The following TDRD10 variants were observed in gnomAD, a reference collection of about 807,000 sequenced individuals.
TDRD10 encodes tudor domain-containing protein 10.
TDRD10 carries 40 observed loss-of-function variants against 48.0 expected under a neutral mutation model. That is an observed-to-expected ratio of 0.83 (90% CI 0.65 to 1.09). TDRD10 has a LOEUF of 1.09. Among genes scored for constraint, TDRD10 ranks in the 50% least tolerant of loss-of-function variants. The pLI is 0.00. For synonymous variants in TDRD10, 162 were observed against 170.4 expected, an observed-to-expected ratio of 0.95 and a Z score of 0.38; for missense variants, 378 against 434.7, an observed-to-expected ratio of 0.87 and a Z score of 1.16.
intron 3 of TDRD10, among the ~76,000 whole-genome samples, chr1:154,507,911 C>G (rs1693239946): frequency 1.3e-5 from 2 of 152,164 alleles, no homozygotes; most frequent in Non-Finnish European, 2.9e-5. Flanking sequence ...CCTGCATTCC[C>G]CTGGGCCCCT....
Position 154,544,470 on chromosome 1 carries a change from C to T in TDRD10, c.750C>T (p.Arg250=). 1 of 1,613,574 alleles carries T rather than the reference C, an allele frequency of 6.2e-7. No individual in the cohort carries two copies. Among genetic ancestry groups the T allele is most frequent in the African/African-American group, 1.3e-5 (1 of 75,030 alleles). The change falls in exon 10 of 13, where the codon CGC becomes CGT. Residue 250 remains arginine, a synonymous_variant. Coordinates refer to ENST00000368482, the MANE Select transcript of TDRD10 (RefSeq NM_182499.4). ...LEGSTVMRGT[R]CLAEYHLGDY... ...GCTCCACCGTTATGCGCGGGACTCG[C>T]TGTCTGGCAGAGTACCACCTGGGGG...
In TDRD10 at chr1:154,544,091, G is replaced by C; in HGVS notation, c.632G>C (p.Trp211Ser). 6.2e-7 allele frequency: 1 copy of C among 1,614,156 alleles called. No homozygotes were observed. The highest frequency in any genetic ancestry group is 8.5e-7 in the Non-Finnish European group (1 of 1,180,020). The change falls in exon 9 of 13, where the codon TGG (tryptophan) becomes TCG (serine). Residue 211 changes from tryptophan (W) to serine (S), a missense_variant. Trp to Ser is a radical substitution (Grantham distance 177, BLOSUM62 -3). This residue lies in a region of TDRD10 where 310 missense variants were observed against 323.6 expected (regional missense o/e 0.96). Transcript: ENST00000368482. ...TSIVPKTPFF[W>S]AMHVTEALHQ... ...ATCGTCCCGAAGACCCCGTTTTTCT[G>C]GGCTATGCACGTCACTGAGGTATGG... is the stretch of plus-strand genomic sequence containing the variant.
intron 11 of TDRD10, 41 bp from the exon 12 acceptor site, chr1:154,547,368 C>A: frequency 1.9e-6 from 3 of 1,612,546 alleles, no homozygotes; most frequent in Non-Finnish European, 2.5e-6. Flanking sequence ...CCTGCCCAAC[C>A]CCGTGCCACT....
At chr1:154,503,390 C>T (rs909250225) in intron 1 of TDRD10, among the ~76,000 whole-genome samples, 7 of 152,118 alleles carry the variant, frequency 4.6e-5, no homozygotes, top group Non-Finnish European at 8.8e-5. Flanking sequence ...GAGTTCGAGA[C>T]CAGCCTGGCC....
At position 154,520,341 on chromosome 1, in the gene TDRD10, T is replaced by C; in HGVS notation, c.179T>C (p.Leu60Pro). The change falls in exon 5 of 13, where the codon CTT becomes CCT. Residue 60 changes from leucine (L) to proline (P), a missense_variant. Leu to Pro is a moderately conservative substitution (Grantham distance 98). Transcript: ENST00000368482. The part of the protein sequence containing the change: ...ILYLLKDFNP[L>P]DVHKIQNGCK... The stretch of plus-strand genomic sequence containing the variant: ...TACCTTCTAAAGGACTTCAACCCTC[T>C]TGATGTCCACAAAATCCAGAATGGC... 6.2e-7 allele frequency: 1 copy of C among 1,614,042 alleles called. No individual in the cohort carries two copies. Among genetic ancestry groups the C allele is most frequent in the Non-Finnish European group, 8.5e-7 (1 of 1,179,922 alleles).
chr1:154,534,040 A>G (rs923365037), intron 6 of TDRD10, among the ~76,000 whole-genome samples: 8 of 152,064 alleles, frequency 5.3e-5, no homozygotes, highest in Non-Finnish European at 7.4e-5. Context: ...GTATTTTTAA[A>G]TGGGAAAAAA....
intron 4 of TDRD10, among the ~76,000 whole-genome samples, chr1:154,513,840 A>G (rs984566389): frequency 7.2e-5 from 11 of 152,238 alleles, no homozygotes; most frequent in Non-Finnish European, 8.8e-5. Flanking sequence ...GATTTCTAGA[A>G]CAATTCAGTC....
chr1:154,531,846 C>T lies in TDRD10; in HGVS notation c.370-10178C>T, dbSNP rs549423917. On this transcript the variant is annotated intron_variant, in intron 6 of 12. Coordinates refer to ENST00000368482, the MANE Select transcript of TDRD10 (RefSeq NM_182499.4). Reference sequence around the variant, plus strand: ...GGGTGCTGATTGGTGCGTTTACAATCCCTGAGCTAGACACACAAGTTCTCC... The same window carrying T: ...GGGTGCTGATTGGTGCGTTTACAATTCCTGAGCTAGACACACAAGTTCTCC... Among the ~76,000 whole-genome samples, 3 of 152,290 alleles carry T rather than the reference C, an allele frequency of 2.0e-5. No individual in the cohort carries two copies. The South Asian group carries it at 6.2e-4, about 32-fold the overall frequency.
chr1:154,546,075 C>G (rs1385223827), intron 11 of TDRD10, among the ~76,000 whole-genome samples: 1 of 128,682 alleles, frequency 7.8e-6, no homozygotes, highest in East Asian at 2.4e-4. Context: ...GCCCGGCCCT[C>G]AGACAAACTA....
intron 6 of TDRD10, among the ~76,000 whole-genome samples, chr1:154,537,248 G>A (rs4240873): frequency 0.92 from 140,081 of 152,252 alleles, 65,608 homozygotes; most frequent in East Asian, 1. Context: ...CATCCCTCTT[G>A]CTGCCAGCCA....
intron 1 of TDRD10, among the ~76,000 whole-genome samples, chr1:154,504,518 C>CA (rs1693035445): frequency 6.6e-6 from 1 of 152,176 alleles, no homozygotes; most frequent in South Asian, 2.1e-4. Context: ...TTCATGTCCT[C>CA]AATACTTGTT....
chr1:154,503,781 G>C (rs1240023138), intron 1 of TDRD10, among the ~76,000 whole-genome samples: 1 of 152,160 alleles, frequency 6.6e-6, no homozygotes, highest in Non-Finnish European at 1.5e-5. Context: ...TGTGGGTGGT[G>C]GTTTGTGAGG....
At chr1:154,533,895 T>A (rs796776908) in intron 6 of TDRD10, among the ~76,000 whole-genome samples, 1,659 of 34,570 alleles carry the variant, frequency 0.048, 27 homozygotes, top group African/African-American at 0.09. Flanking sequence ...ATATATATAT[T>A]TTTTTTTAAT....
chr1:154,547,201 G>C (rs1695645239), intron 11 of TDRD10, among the ~76,000 whole-genome samples: 1 of 151,944 alleles, frequency 6.6e-6, no homozygotes. Context: ...CTGTTATTTT[G>C]CCCTCCCCCT....
intron 4 of TDRD10, among the ~76,000 whole-genome samples, chr1:154,514,441 C>G (rs1693640539): frequency 6.6e-6 from 1 of 152,108 alleles, no homozygotes; most frequent in African/African-American, 2.4e-5. Context: ...CTGTAAGACA[C>G]TGGTGAACAA....
intron 6 of TDRD10, among the ~76,000 whole-genome samples, chr1:154,522,572 G>A (rs1029970481): frequency 1.3e-5 from 2 of 152,102 alleles, no homozygotes; most frequent in Non-Finnish European, 2.9e-5. Context: ...TTGGGAGACC[G>A]AGGCAGGAGG....
chr1:154,522,888 A>G (rs1694128123), intron 6 of TDRD10, among the ~76,000 whole-genome samples: 2 of 152,100 alleles, frequency 1.3e-5, no homozygotes, highest in African/African-American at 4.8e-5. Context: ...TGATTCGACT[A>G]AGAGTCCAGT....
Position 154,507,337 on chromosome 1 carries a change from G to A in TDRD10, c.82+17G>A, listed in dbSNP as rs1390670595. 2 of 1,613,484 alleles carry A rather than the reference G, an allele frequency of 1.2e-6. No individual in the cohort carries two copies. The highest frequency in any genetic ancestry group is 2.2e-5 in the South Asian group (2 of 90,848). On this transcript the variant is annotated intron_variant, in intron 3 of 12. Transcript: ENST00000368482. ...AATCTCCAGGTAAGTTAGGCTGGGG[G>A]ATTCGCTGGTGCTGGGACTCTCATC...
intron 6 of TDRD10, among the ~76,000 whole-genome samples, chr1:154,541,591 G>A (rs11265632): frequency 0.51 from 76,913 of 151,846 alleles, 22,624 homozygotes; most frequent in East Asian, 0.76. Flanking sequence ...CTGCAGGGCT[G>A]TGGGGAGTGG....
Sources: gnomAD v4.1 joint callset for allele counts (sites outside exome capture counted in the v4.1 genomes callset) on GRCh38, gnomAD v4.1.1 for gene constraint, gnomAD v4.1.1 regional missense constraint, MANE v1.5 for transcripts, NCBI Gene and HGNC (gene_info 2026-07-23, HGNC 2026-07-21) for gene names.